IRS4: variants seen among roughly 807,000 people sequenced by gnomAD.
The protein encoded by IRS4 is insulin receptor substrate 4, also known as 160 kDa phosphotyrosine protein.
IRS4 carries 15 observed loss-of-function variants against 48.6 expected under a neutral mutation model. The ratio of observed to expected loss-of-function variants is 0.31; its 90% CI spans 0.21 to 0.48. The LOEUF (loss-of-function observed/expected upper bound fraction) is 0.48. IRS4 is among the 20% of genes least tolerant of loss of function. The probability of loss-of-function intolerance (pLI) is 0.99; values close to 1 mark genes in which losing one functional copy is unlikely to be tolerated. For missense variants in IRS4, 987 were observed against 1,023.4 expected (o/e 0.96, Z 0.49); for synonymous variants, 459 against 413.2 (o/e 1.11, Z -1.34).
rs772714870 is a variant in IRS4, at chrX:108,733,525, T to C, written c.2820A>G (p.Gly940=). The stretch of plus-strand genomic sequence containing the variant: ...CAATTATGCCCCACGAATCTGGTAG[T>C]CCTTGAGTAGAGGGAGCTGGTGTAT... ...ESNTPAPSTQ[G]LPDSWGIIAE... Residue 940 remains glycine (G), a synonymous_variant, in exon 1 of 2, where the codon GGA becomes GGG. Transcript: ENST00000372129. 7 of 1,212,149 alleles carry C rather than the reference T, an allele frequency of 5.8e-6. No individual in the cohort carries two copies. In the South Asian group the frequency reaches 7.0e-5, roughly 12 times the overall value.
rs764019745 is a variant in IRS4, at chrX:108,735,136, G to A, written c.1209C>T (p.Ser403=). 2.5e-6 allele frequency: 3 copies of A among 1,211,419 alleles called. No individual in the cohort carries two copies. The South Asian group carries it at 5.3e-5, about 21-fold the overall frequency. Residue 403 remains serine, a synonymous_variant, in exon 1 of 2, where the codon AGC becomes AGT. Coordinates refer to ENST00000372129, the MANE Select transcript of IRS4 (RefSeq NM_001379150.1). ...MLFTRRFVTP[S]EPVAHSRRGR... ...CTCGCCTGGAGTGGGCCACAGGCTCGCTGGGTGTTACGAAGCGCCTGGTGA... is the reference window on the plus strand; with the variant it reads ...CTCGCCTGGAGTGGGCCACAGGCTCACTGGGTGTTACGAAGCGCCTGGTGA...
At position 108,721,738 on chromosome X, in the gene IRS4, T is replaced by A. The variant is rs895160406; in HGVS notation, c.*781A>T. The A allele has an allele frequency of 9.0e-6, 1 of 111,546 alleles. No homozygotes were observed. The highest frequency in any genetic ancestry group is 3.3e-5 in the African/African-American group (1 of 30,711). The allele number at this position is 111,546 out of a possible 1,213,427, so 9.2% of individuals were successfully genotyped here. A position where few individuals can be genotyped will look rare whatever the true frequency, so the allele number is the denominator to read the frequency against. On this transcript the variant is annotated 3_prime_UTR_variant, in exon 2 of 2. Coordinates refer to ENST00000372129, the MANE Select transcript of IRS4 (RefSeq NM_001379150.1). ...AGGTTTCACAATAAATGAAAAATAA[T>A]AGGTTTGGAAATACTCAATCGATTT...
rs1438022848 is a variant in IRS4 at position 108,720,203 on chromosome X, G to A, written c.*2316C>T. Reference sequence around the variant, plus strand: ...GAACTGTAAAGTTTCAGTTTTTAACGACCAAGTGACTATGCCTGATATCAA... The same window carrying A: ...GAACTGTAAAGTTTCAGTTTTTAACAACCAAGTGACTATGCCTGATATCAA... On this transcript the variant is annotated 3_prime_UTR_variant, in exon 2 of 2. Coordinates refer to ENST00000372129, the MANE Select transcript of IRS4 (RefSeq NM_001379150.1). 1.8e-5 allele frequency: 2 copies of A among 112,066 alleles called. No individual in the cohort carries two copies. Among genetic ancestry groups the A allele is most frequent in the Admixed American group, 9.5e-5 (1 of 10,573 alleles). 9.2% of individuals were successfully genotyped at this position (112,066 alleles called of 1,213,427 possible).
chrX:108,735,859 T>C lies in IRS4; in HGVS notation c.486A>G (p.Ala162=). Residue 162 remains alanine (A), a synonymous_variant, in exon 1 of 2, where the codon GCA becomes GCG. Coordinates refer to ENST00000372129, the MANE Select transcript of IRS4 (RefSeq NM_001379150.1). The stretch of plus-strand genomic sequence containing the variant: ...AAAGAGCAATGAGGTGTCGGTACCT[T>C]GCATCTGCTCGCTGGCTCACGGAAA... The part of the protein sequence containing the change: ...QCFSVSQRAD[A]RYRHLIALFT... The C allele has an allele frequency of 8.3e-7, 1 of 1,209,360 alleles. No homozygotes were observed. The highest frequency in any genetic ancestry group is 1.1e-6 in the Non-Finnish European group (1 of 894,378).
Position 108,723,402 on chromosome X carries a change from G to A in IRS4, c.3767-879C>T, listed in dbSNP as rs185782839. On this transcript the variant is annotated intron_variant, in intron 1 of 1. Transcript: ENST00000372129. ...ATGAGGTCTCACTATGCTGCCCAGG[G>A]TGAAGAGCAGTGGCATCATTATGGC... The A allele has an allele frequency of 8.1e-5, 9 of 111,687 alleles. No individual in the cohort carries two copies. In the East Asian group the frequency reaches 2.5e-3, roughly 31 times the overall value. 9.2% of individuals were successfully genotyped at this position (111,687 alleles called of 1,213,427 possible).
Position 108,734,657 on chromosome X carries a change from C to T in IRS4, c.1688G>A (p.Arg563Lys), listed in dbSNP as rs201649219. The T allele has an allele frequency of 7.4e-6, 9 of 1,211,398 alleles. No homozygotes were observed. The stretch of plus-strand genomic sequence containing the variant: ...ACCTGAGCCATGCCCACCTCCAGGT[C>T]TCTGGCCACCACCTGAACCGTGCCC... The part of the protein sequence containing the change: ...AGGHGSGGGQ[R>K]PGGGHGSGGG... The change falls in exon 1 of 2, where the codon AGA (arginine) becomes AAA (lysine). Residue 563 changes from arginine to lysine, a missense_variant. Arg to Lys is a conservative substitution (Grantham distance 26). Coordinates refer to ENST00000372129, the MANE Select transcript of IRS4 (RefSeq NM_001379150.1).
chrX:108,733,076 T>A lies in IRS4; in HGVS notation c.3269A>T (p.Gln1090Leu). ...QERRRPQSRS[Q>L]SFFAAARAAV... ...GGCTCTGGCTGCTGCAAAGAAACTT[T>A]GAGAACGGCTTTGTGGGCGTCTTCT... The change falls in exon 1 of 2, where the codon CAA (glutamine) becomes CTA (leucine). Residue 1090 changes from glutamine (Q) to leucine (L), a missense_variant. Transcript: ENST00000372129. The A allele has an allele frequency of 8.3e-7, 1 of 1,211,806 alleles. No individual in the cohort carries two copies. Among genetic ancestry groups the A allele is most frequent in the Non-Finnish European group, 1.1e-6 (1 of 895,536 alleles).
Position 108,734,100 on chromosome X carries a change from T to C in IRS4, c.2245A>G (p.Arg749Gly), listed in dbSNP as rs755361529. The change falls in exon 1 of 2, where the codon AGA becomes GGA. Residue 749 changes from arginine (R) to glycine (G), a missense_variant. Arg to Gly is a moderately radical substitution (Grantham distance 125). Transcript: ENST00000372129. ...CTCGGAGCAGGTGGTGGGCTCACTC[T>C]GGGAAACATCATCATGTACCCTCTT... is the stretch of plus-strand genomic sequence containing the variant. ...DSRGYMMMFP[R>G]VSPPPAPSPP... 5.0e-6 allele frequency: 6 copies of C among 1,209,683 alleles called. No individual in the cohort carries two copies. The highest frequency in any genetic ancestry group is 1.8e-5 in the African/African-American group (1 of 56,995).
At position 108,736,359 on chromosome X, in the gene IRS4, G is replaced by C. The variant is rs2068954892; in HGVS notation, c.-15C>G. The C allele has an allele frequency of 8.3e-7, 1 of 1,209,233 alleles. No individual in the cohort carries two copies. Among genetic ancestry groups the C allele is most frequent in the African/African-American group, 1.7e-5 (1 of 57,193 alleles). Reference sequence around the variant, plus strand: ...CAACTCGCCATGGTGATGCACGATGGTTTTAAGGTGAGCGAGGAGGAGGGG... The same window carrying C: ...CAACTCGCCATGGTGATGCACGATGCTTTTAAGGTGAGCGAGGAGGAGGGG... On this transcript the variant is annotated 5_prime_UTR_variant, in exon 1 of 2. Transcript: ENST00000372129.
chrX:108,722,188 A>G lies in IRS4; in HGVS notation c.*331T>C, dbSNP rs1362853131. ...TATGTATTCTAAGTTACTTTTTTTT[A>G]AAGAGGGAAAGAGTTATGAGATGCT... On this transcript the variant is annotated 3_prime_UTR_variant, in exon 2 of 2. Transcript: ENST00000372129. 1 of 112,267 alleles carries G rather than the reference A, an allele frequency of 8.9e-6. No individual in the cohort carries two copies. Among genetic ancestry groups the G allele is most frequent in the Admixed American group, 9.5e-5 (1 of 10,567 alleles). The allele number at this position is 112,267 out of a possible 1,213,427, so 9.3% of individuals were successfully genotyped here. A position where few individuals can be genotyped will look rare whatever the true frequency, so the allele number is the denominator to read the frequency against.
At chrX:108,725,962 ACT>A (rs2068872925) in intron 1 of IRS4, 1 of 111,600 alleles carries the variant, frequency 9.0e-6, no homozygotes. Context: ...CTGGATACAA[ACT>A]CTATGGAGAT....
Position 108,735,925 on chromosome X carries a change from CG to C in IRS4, c.419del (p.Pro140ArgfsTer8). On this transcript the variant is annotated frameshift_variant, in exon 1 of 2. Transcript: ENST00000372129. LOFTEE classifies it high-confidence loss of function. ...TGATCACGCGCCGCGGTGGAATGAG[CG>C]GGGGGATCGCGGCGCCAGAGGCGGC... ...AAAASGAAIP[P>X]LIPPRRVITL... is the part of the protein sequence containing the mutation. The C allele has an allele frequency of 8.3e-7, 1 of 1,208,745 alleles. No homozygotes were observed. The highest frequency in any genetic ancestry group is 1.1e-6 in the Non-Finnish European group (1 of 894,117).
rs986538867 is a variant in IRS4, at chrX:108,726,557, A to C, written c.3767-4034T>G. 2.7e-5 allele frequency: 3 copies of C among 111,919 alleles called. No homozygotes were observed. The South Asian group carries it at 1.1e-3, about 42-fold the overall frequency. 9.2% of individuals were successfully genotyped at this position (111,919 alleles called of 1,213,427 possible). A position where few individuals can be genotyped will look rare whatever the true frequency, so the allele number is the denominator to read the frequency against. Reference sequence around the variant, plus strand: ...GCATAAAACTTTAAAAAGCAAGAGTAAAAAATCACATTTGCTGGTCAGACT... The same window carrying C: ...GCATAAAACTTTAAAAAGCAAGAGTCAAAAATCACATTTGCTGGTCAGACT... On this transcript the variant is annotated intron_variant, in intron 1 of 1. Coordinates refer to ENST00000372129, the MANE Select transcript of IRS4 (RefSeq NM_001379150.1).
At chrX:108,727,416 G>T (rs913355084) in intron 1 of IRS4, among the ~76,000 whole-genome samples, 11 of 111,939 alleles carry the variant, frequency 9.8e-5, no homozygotes, top group African/African-American at 3.2e-4. Flanking sequence ...AATTGCTGGA[G>T]AATATATTTT....
chrX:108,723,898 T>C (rs2068864487), intron 1 of IRS4: 1 of 112,738 alleles, frequency 8.9e-6, no homozygotes, highest in South Asian at 3.6e-4. Context: ...TGCATATTAG[T>C]AACTGTTAAT....
At chrX:108,729,269 T>A (rs1406100755) in intron 1 of IRS4, among the ~76,000 whole-genome samples, 1 of 87,882 alleles carries the variant, frequency 1.1e-5, no homozygotes, top group East Asian at 3.6e-4. Flanking sequence ...TGTCTAACAC[T>A]GAAAAATTAA....
In IRS4 at chrX:108,732,799, G is replaced by T; in HGVS notation, c.3546C>A (p.Ala1182=). 8.4e-7 allele frequency: 1 copy of T among 1,194,712 alleles called. No homozygotes were observed. The change falls in exon 1 of 2, where the codon GCC becomes GCA. Residue 1182 remains alanine, a synonymous_variant. Coordinates refer to ENST00000372129, the MANE Select transcript of IRS4 (RefSeq NM_001379150.1). ...TGTGGGCTCCAGGGTTCGAGCCACC[G>T]GCAACGTCTTGGGCTCCCCTTACTG... The part of the protein sequence containing the change: ...AEAVRGAQDV[A]GGSNPGAHNP...
intron 1 of IRS4, among the ~76,000 whole-genome samples, chrX:108,725,489 A>C (rs941238707): frequency 9.5e-6 from 1 of 105,417 alleles, no homozygotes; most frequent in Non-Finnish European, 1.9e-5. Flanking sequence ...GGAAGCAAAG[A>C]AAGATATGTT....
At position 108,721,860 on chromosome X, in the gene IRS4, T is replaced by C. The variant is rs964356239; in HGVS notation, c.*659A>G. On this transcript the variant is annotated 3_prime_UTR_variant, in exon 2 of 2. Coordinates refer to ENST00000372129, the MANE Select transcript of IRS4 (RefSeq NM_001379150.1). ...ATGCTCAATCAAGATATTAGTTTCA[T>C]TGACATATAACATGAGCAGAATGTT... 2 of 112,186 alleles carry C rather than the reference T, an allele frequency of 1.8e-5. No individual in the cohort carries two copies. Among genetic ancestry groups the C allele is most frequent in the Non-Finnish European group, 3.8e-5 (2 of 53,229 alleles). The allele number at this position is 112,186 out of a possible 1,213,427, so 9.2% of individuals were successfully genotyped here. A position where few individuals can be genotyped will look rare whatever the true frequency, so the allele number is the denominator to read the frequency against.
Sources: gnomAD v4.1 joint callset for allele counts (sites outside exome capture counted in the v4.1 genomes callset) on GRCh38, gnomAD v4.1.1 for gene constraint, MANE v1.5 for transcripts, NCBI Gene and HGNC (gene_info 2026-07-23, HGNC 2026-07-21) for gene names.